Variants in CFAP54 observed in about 807,000 individuals in gnomAD.
The protein encoded by CFAP54 is cilia- and flagella-associated protein 54.
CFAP54 carries 290 observed loss-of-function variants against 370.4 expected under a neutral mutation model. The ratio of observed to expected loss-of-function variants is 0.78; its 90% confidence interval spans 0.71 to 0.86. CFAP54 has a LOEUF of 0.86. Ranked by LOEUF, CFAP54 falls within the 40% of genes least tolerant of loss-of-function variation. The pLI is 0.00. For synonymous variants in CFAP54, 1,206 were observed against 1,236.5 expected, an observed-to-expected ratio of 0.98 and a Z score of 0.52; for missense variants, 3,399 against 3,528.7, an observed-to-expected ratio of 0.96 and a Z score of 0.93.
intron 25 of CFAP54, 106 bp from the exon 26 acceptor site, chr12:96,598,539 C>G (rs1487219021): frequency 7.0e-6 from 3 of 427,096 alleles, no homozygotes; most frequent in Non-Finnish European, 1.2e-5. Flanking sequence ...TTATTGATAA[C>G]AAAATTTTAT....
chr12:96,643,008 C>A (rs1049244680), intron 32 of CFAP54, among the ~76,000 whole-genome samples: 4 of 152,184 alleles, frequency 2.6e-5, no homozygotes, highest in Non-Finnish European at 4.4e-5. Context: ...TGAACTATCG[C>A]ACTCTCCATG....
At chr12:96,507,355 G>A (rs553865577) in intron 4 of CFAP54, among the ~76,000 whole-genome samples, 20 of 152,238 alleles carry the variant, frequency 1.3e-4, no homozygotes, top group African/African-American at 3.4e-4. Context: ...AAGCAGGGCC[G>A]CAGTTAACAA....
At chr12:96,728,480 G>C (rs1182345895) in intron 50 of CFAP54, among the ~76,000 whole-genome samples, 2 of 152,090 alleles carry the variant, frequency 1.3e-5, no homozygotes, top group African/African-American at 4.8e-5. Context: ...AGCTCCTGAG[G>C]CTTCTGCATT....
At chr12:96,711,428 GA>G (rs1391285154) in intron 48 of CFAP54, among the ~76,000 whole-genome samples, 3 of 152,158 alleles carry the variant, frequency 2.0e-5, no homozygotes, top group African/African-American at 7.2e-5. Flanking sequence ...TATGAGTTGG[GA>G]AAAAGACTTA....
chr12:96,499,249 A>G (rs141696543), intron 1 of CFAP54, among the ~76,000 whole-genome samples: 1,689 of 152,262 alleles, frequency 0.011, 41 homozygotes, highest in African/African-American at 0.039. Flanking sequence ...AAGTGCTGGG[A>G]TTACAGGCAT....
At chr12:96,726,072 G>A (rs1592727646) in intron 50 of CFAP54, among the ~76,000 whole-genome samples, 1 of 147,508 alleles carries the variant, frequency 6.8e-6, no homozygotes, top group Non-Finnish European at 1.5e-5. Flanking sequence ...GCTGGATTTG[G>A]TTTGCCAGTA....
In CFAP54 at chr12:96,765,203, A is replaced by G. The variant is rs138572856; in HGVS notation, c.8266A>G (p.Thr2756Ala). The G allele has an allele frequency of 1.4e-4, 213 of 1,521,276 alleles. No individual in the cohort carries two copies. In the African/African-American group the frequency reaches 2.7e-3, roughly 19 times the overall value. 94.2% of individuals were successfully genotyped at this position (1,521,276 alleles called of 1,614,324 possible). Residue 2756 changes from threonine (T) to alanine (A), a missense_variant, in exon 60 of 68, where the codon ACA becomes GCA. Coordinates refer to ENST00000524981, the MANE Select transcript of CFAP54 (RefSeq NM_001306084.2). Reference protein sequence around the residue: ...FAALDLLSSYTDYLLDNYQVL... With the variant: ...FAALDLLSSYADYLLDNYQVL... ...TGCTCTGGATCTTTTGTCTTCGTAT[A>G]CAGATTATTTGCTTGGTATGTTTGG...
At chr12:96,856,528 G>A (rs1043808071) in intron 66 of CFAP54, among the ~76,000 whole-genome samples, 9 of 152,120 alleles carry the variant, frequency 5.9e-5, no homozygotes, top group Non-Finnish European at 1.2e-4. Flanking sequence ...GCAAAAGGCC[G>A]CCAGTCTCTT....
At chr12:96,602,867 G>T (rs1157329804) in intron 26 of CFAP54, among the ~76,000 whole-genome samples, 1 of 152,074 alleles carries the variant, frequency 6.6e-6, no homozygotes, top group Non-Finnish European at 1.5e-5. Flanking sequence ...TGTAAGATGG[G>T]TCTCCTGAAT....
intron 60 of CFAP54, among the ~76,000 whole-genome samples, chr12:96,779,658 A>G (rs1958562301): frequency 6.7e-6 from 1 of 148,326 alleles, no homozygotes; most frequent in East Asian, 1.9e-4. Context: ...ATATTAATTT[A>G]TATATTAACA....
intron 39 of CFAP54, among the ~76,000 whole-genome samples, chr12:96,664,595 C>T (rs1181976100): frequency 2.0e-5 from 3 of 146,748 alleles, no homozygotes; most frequent in African/African-American, 7.7e-5. Context: ...GTCTAATGTT[C>T]TTCCAGCTGT....
In CFAP54 at chr12:96,684,715, C is replaced by T; in HGVS notation, c.5784C>T (p.Leu1928=). 6.2e-7 allele frequency: 1 copy of T among 1,612,120 alleles called. No homozygotes were observed. Among genetic ancestry groups the T allele is most frequent in the Non-Finnish European group, 8.5e-7 (1 of 1,179,310 alleles). Residue 1928 remains leucine (L), a synonymous_variant, in exon 41 of 68, where the codon CTC becomes CTT. Transcript: ENST00000524981. ...VQALHSLGSL[L]IFAEKKRAAF... ...CGTTGCATTCACTTGGAAGTCTTCT[C>T]ATCTTCGCAGAAAAGAAAAGGTAGA...
chr12:96,597,590 C>T (rs1321276278), intron 25 of CFAP54, among the ~76,000 whole-genome samples: 1 of 151,678 alleles, frequency 6.6e-6, no homozygotes, highest in African/African-American at 2.4e-5. Flanking sequence ...AATGGCTGAT[C>T]CACACCAAAT....
At chr12:96,586,854 G>A (rs1259968553) in intron 22 of CFAP54, among the ~76,000 whole-genome samples, 1 of 152,166 alleles carries the variant, frequency 6.6e-6, no homozygotes, top group Non-Finnish European at 1.5e-5. Flanking sequence ...CTGCTACATT[G>A]GAAATAGAAC....
At chr12:96,603,578 A>C (rs1204018219) in intron 26 of CFAP54, among the ~76,000 whole-genome samples, 2 of 152,176 alleles carry the variant, frequency 1.3e-5, no homozygotes, top group Non-Finnish European at 2.9e-5. Flanking sequence ...TTCTCCCGTC[A>C]CTATCAGGTA....
intron 32 of CFAP54, among the ~76,000 whole-genome samples, chr12:96,642,424 A>G (rs1031481797): frequency 6.6e-5 from 10 of 152,318 alleles, no homozygotes; most frequent in African/African-American, 2.2e-4. Context: ...AGATAAATTT[A>G]TCTATCTAAA....
chr12:96,602,581 G>C (rs1956255192), intron 26 of CFAP54, among the ~76,000 whole-genome samples: 1 of 152,140 alleles, frequency 6.6e-6, no homozygotes, highest in Non-Finnish European at 1.5e-5. Flanking sequence ...TCATTATTGT[G>C]TGGGAGTCTA....
At position 96,765,058 on chromosome 12, in the gene CFAP54, A is replaced by G. The variant is rs1433985798; in HGVS notation, c.8140-19A>G. On this transcript the variant is annotated intron_variant, in intron 59 of 67. Coordinates refer to ENST00000524981, the MANE Select transcript of CFAP54 (RefSeq NM_001306084.2). ...TAGAAAGCTTATATTTATAATTCTA[A>G]TTTATGCATTAATTGTAGGTCAGTG... The G allele has an allele frequency of 7.2e-7, 1 of 1,394,422 alleles. No homozygotes were observed. Among genetic ancestry groups the G allele is most frequent in the Admixed American group, 2.3e-5 (1 of 42,772 alleles). 86.4% of individuals were successfully genotyped at this position (1,394,422 alleles called of 1,614,324 possible). A position where few individuals can be genotyped will look rare whatever the true frequency, so the allele number is the denominator to read the frequency against.
At chr12:96,566,293 G>A (rs966514203) in intron 19 of CFAP54, among the ~76,000 whole-genome samples, 4 of 152,198 alleles carry the variant, frequency 2.6e-5, no homozygotes, top group African/African-American at 9.7e-5. Context: ...TAAAGATAAT[G>A]TGGAGAGTGG....
Sources: allele counts gnomAD v4.1 joint callset (sites outside exome capture counted in the v4.1 genomes callset), GRCh38; gene constraint gnomAD v4.1.1; transcripts MANE v1.5; gene names NCBI Gene and HGNC (gene_info 2026-07-23, HGNC 2026-07-21).